Variants in RNF175 observed in about 807,000 individuals in gnomAD.
RNF175 encodes the protein ring finger protein 175.
In RNF175, 38 loss-of-function variants were observed where a neutral mutation model predicts 50.0. The ratio of observed to expected loss-of-function variants is 0.76; its 90% confidence interval spans 0.59 to 1.00. The LOEUF (loss-of-function observed/expected upper bound fraction) is 1.00, where lower values mean the gene tolerates loss of function less well. Ranked by LOEUF, RNF175 falls within the 50% of genes least tolerant of loss-of-function variation. RNF175 has a pLI of 0.00. For missense variants in RNF175, 388 were observed against 409.6 expected (o/e 0.95, Z 0.46); for synonymous variants, 155 against 146.1 (o/e 1.06, Z -0.44).
intron 3 of RNF175, 64 bp downstream of exon 3, chr4:153,748,581 G>A (rs62325093): frequency 0.22 from 318,460 of 1,429,082 alleles, 39,031 homozygotes; most frequent in Non-Finnish European, 0.25. Context: ...AACATGTCCT[G>A]GAAAAAAACA....
intron 4 of RNF175, among the ~76,000 whole-genome samples, chr4:153,725,028 G>A (rs1339577969): frequency 7.5e-5 from 6 of 79,890 alleles, no homozygotes; most frequent in African/African-American, 2.0e-4. Flanking sequence ...GTGGGGGAGC[G>A]GGCAGGGGTA....
At position 153,748,689 on chromosome 4, in the gene RNF175, T is replaced by C; in HGVS notation, c.202A>G (p.Ile68Val). Residue 68 changes from isoleucine (I) to valine (V), a missense_variant, in exon 3 of 9, where the codon ATA (isoleucine) becomes GTA (valine). Physicochemically the swap from Ile to Val is conservative, Grantham distance 29. Coordinates refer to ENST00000347063, the MANE Select transcript of RNF175 (RefSeq NM_173662.4). ...CTCTGTCTCCACTGAACCAGCACTA[T>C]CTGGGCAATGACCAGAACGCAGAGG... is the stretch of plus-strand genomic sequence containing the variant. The part of the protein sequence containing the change: ...IFLCVLVIAQ[I>V]VLVQWRQRHG... 1.2e-6 allele frequency: 2 copies of C among 1,605,414 alleles called. No individual in the cohort carries two copies. The highest frequency in any genetic ancestry group is 1.7e-6 in the Non-Finnish European group (2 of 1,176,132).
intron 3 of RNF175, among the ~76,000 whole-genome samples, chr4:153,737,837 AG>A (rs1252461864): frequency 6.6e-6 from 1 of 152,208 alleles, no homozygotes; most frequent in African/African-American, 2.4e-5. Flanking sequence ...GGAACTGTTC[AG>A]TCAATTATGT....
intron 4 of RNF175, among the ~76,000 whole-genome samples, chr4:153,726,041 A>C (rs569470091): frequency 1.3e-5 from 2 of 151,858 alleles, no homozygotes; most frequent in Non-Finnish European, 2.9e-5. Context: ...ATTCAATGTG[A>C]TCAAGCCCAG....
intron 3 of RNF175, among the ~76,000 whole-genome samples, chr4:153,740,147 A>T (rs1739570852): frequency 6.7e-6 from 1 of 149,742 alleles, no homozygotes; most frequent in Non-Finnish European, 1.5e-5. Context: ...CATTCAAGAC[A>T]TTCTTCCTTT....
chr4:153,732,350 A>G (rs1243169185), intron 3 of RNF175, among the ~76,000 whole-genome samples: 1 of 152,196 alleles, frequency 6.6e-6, no homozygotes, highest in Non-Finnish European at 1.5e-5. Context: ...TTTAATCTCC[A>G]CATCAATCTA....
chr4:153,734,870 G>C (rs1739268972), intron 3 of RNF175, among the ~76,000 whole-genome samples: 1 of 151,590 alleles, frequency 6.6e-6, no homozygotes, highest in African/African-American at 2.4e-5. Context: ...TAGAGACGGG[G>C]TTTCATCGTG....
intron 3 of RNF175, among the ~76,000 whole-genome samples, chr4:153,732,079 A>G: frequency 6.6e-6 from 1 of 152,122 alleles, no homozygotes; most frequent in African/African-American, 2.4e-5. Flanking sequence ...TAAAAATACA[A>G]AAATTAGCTG....
chr4:153,718,214 TTTTGTTTG>T (rs1157513927), intron 6 of RNF175, among the ~76,000 whole-genome samples: 1 of 50,878 alleles, frequency 2.0e-5, no homozygotes, highest in African/African-American at 6.1e-5. Flanking sequence ...AAGGAGTTTT[TTTTGTTTG>T]TTTGTTTGTT....
Position 153,759,941 on chromosome 4 carries a change from G to A in RNF175, c.-79C>T. ...CAGAGTCCGCAGAAGGAGGCGCCGC[G>A]GGGCCTCGGGAGCCGAGGGTGAGAG... On this transcript the variant is annotated 5_prime_UTR_variant, in exon 1 of 9. Transcript: ENST00000347063. The A allele has an allele frequency of 1.2e-6, 1 of 855,184 alleles. No homozygotes were observed. Among genetic ancestry groups the A allele is most frequent in the Non-Finnish European group, 1.6e-6 (1 of 629,036 alleles). 53.0% of individuals were successfully genotyped at this position (855,184 alleles called of 1,614,324 possible).
intron 3 of RNF175, among the ~76,000 whole-genome samples, chr4:153,742,272 CAA>C (rs34991607): frequency 7.3e-4 from 76 of 103,884 alleles, no homozygotes; most frequent in African/African-American, 2.6e-3. Flanking sequence ...GCTTCTGTTC[CAA>C]AAAAAAAAAA....
chr4:153,740,376 C>T (rs911294882), intron 3 of RNF175, among the ~76,000 whole-genome samples: 2 of 152,066 alleles, frequency 1.3e-5, no homozygotes, highest in African/African-American at 4.8e-5. Context: ...TGTTTCTGTA[C>T]ATGTATACAT....
chr4:153,758,123 A>G (rs1740648848), intron 1 of RNF175, among the ~76,000 whole-genome samples: 1 of 152,218 alleles, frequency 6.6e-6, no homozygotes. Flanking sequence ...GAAGGAAAAT[A>G]AAATAGGGTG....
chr4:153,722,957 A>G (rs1279649586), intron 5 of RNF175, among the ~76,000 whole-genome samples: 1 of 152,208 alleles, frequency 6.6e-6, no homozygotes, highest in Non-Finnish European at 1.5e-5. Context: ...GCTAGTGGCT[A>G]CTATACTGGA....
intron 6 of RNF175, 136 bp downstream of exon 6, chr4:153,720,048 A>G (rs1738233033): frequency 2.2e-6 from 2 of 892,732 alleles, no homozygotes; most frequent in East Asian, 5.4e-5. Context: ...TAGGTGAACC[A>G]AAAGAGTTCC....
chr4:153,717,505 AC>A (rs1738006250), intron 6 of RNF175, among the ~76,000 whole-genome samples: 1 of 144,498 alleles, frequency 6.9e-6, no homozygotes, highest in Non-Finnish European at 1.5e-5. Context: ...ATCTGTATAT[AC>A]TAACACACAC....
chr4:153,738,652 G>A (rs924620402), intron 3 of RNF175, among the ~76,000 whole-genome samples: 2 of 151,936 alleles, frequency 1.3e-5, no homozygotes, highest in Non-Finnish European at 2.9e-5. Flanking sequence ...TCTTGTTTTT[G>A]TAAATTAATC....
intron 1 of RNF175, among the ~76,000 whole-genome samples, chr4:153,752,131 T>C (rs1470529843): frequency 1.3e-5 from 2 of 152,232 alleles, no homozygotes; most frequent in African/African-American, 4.8e-5. Flanking sequence ...CTTTTCTAGA[T>C]TATTGCTAAC....
intron 3 of RNF175, among the ~76,000 whole-genome samples, chr4:153,740,937 T>C (rs1257452285): frequency 6.6e-6 from 1 of 152,232 alleles, no homozygotes; most frequent in African/African-American, 2.4e-5. Flanking sequence ...CAATTTCCAC[T>C]AGTGTCCTTG....
Sources: allele counts gnomAD v4.1 joint callset (sites outside exome capture counted in the v4.1 genomes callset), GRCh38; gene constraint gnomAD v4.1.1; transcripts MANE v1.5; gene names NCBI Gene and HGNC (gene_info 2026-07-23, HGNC 2026-07-21).